GPR149: variants seen among roughly 807,000 people sequenced by gnomAD.
The protein encoded by GPR149 is G protein-coupled receptor 149, also known as probable G protein-coupled receptor 149.
GPR149 carries 50 observed loss-of-function variants against 50.2 expected under a neutral mutation model. The ratio of observed to expected loss-of-function variants is 1.00; its 90% CI spans 0.79 to 1.26. GPR149 has a LOEUF of 1.26. GPR149 is among the 50% of genes most tolerant of loss of function. The probability of loss-of-function intolerance (pLI) is 0.00; values close to 1 mark genes in which losing one functional copy is unlikely to be tolerated. For missense variants in GPR149, 983 were observed against 895.4 expected (o/e 1.10, Z -1.25); for synonymous variants, 405 against 358.2 (o/e 1.13, Z -1.48).
chr3:154,353,526 A>G (rs1163742661), intron 3 of GPR149: 3 of 919,792 alleles, frequency 3.3e-6, no homozygotes, highest in Non-Finnish European at 5.5e-6. Flanking sequence ...ATGATCTTTG[A>G]TATGACCAGG....
chr3:154,352,061 C>A, intron 3 of GPR149: 1 of 451,858 alleles, frequency 2.2e-6, no homozygotes. Context: ...CTATCATGAG[C>A]TAATTTTTGG....
In GPR149 at chr3:154,389,450, T is replaced by C. The variant is rs191566407; in HGVS notation, c.1623+31589A>G. 1.7e-3 allele frequency among the ~76,000 whole-genome samples: 254 copies of C among 152,170 alleles called. 4 individuals are homozygous for C. The South Asian group carries it at 0.022, about 13-fold the overall frequency. ...GAGGAGGGAAGAAAGGACAAGACCA[T>C]ACATTCAGCATTTGAATTTTTTTTG... On this transcript the variant is annotated intron_variant, in intron 3 of 3. Transcript: ENST00000389740.
At chr3:154,355,454 G>A (rs1054837658) in intron 3 of GPR149, among the ~76,000 whole-genome samples, 1 of 152,180 alleles carries the variant, frequency 6.6e-6, no homozygotes, top group Non-Finnish European at 1.5e-5. Context: ...ATTTAAGTGT[G>A]TTGTTTCTCT....
intron 3 of GPR149, among the ~76,000 whole-genome samples, chr3:154,347,251 A>G (rs1486919763): frequency 2.6e-5 from 4 of 152,218 alleles, no homozygotes; most frequent in African/African-American, 4.8e-5. Flanking sequence ...TAGGTAATTT[A>G]TAAAAGAAAG....
chr3:154,379,043 A>T (rs1714860192), intron 3 of GPR149, among the ~76,000 whole-genome samples: 1 of 1,608 alleles, frequency 6.2e-4, no homozygotes. Flanking sequence ...GATCAAGACC[A>T]TCCTGGCTAA....
At chr3:154,413,386 A>G (rs772807831) in intron 3 of GPR149, among the ~76,000 whole-genome samples, 4 of 152,044 alleles carry the variant, frequency 2.6e-5, no homozygotes, top group Non-Finnish European at 4.4e-5. Flanking sequence ...TGGGAAAAAA[A>G]TCTTTATAAT....
At chr3:154,369,568 G>A (rs1050248889) in intron 3 of GPR149, among the ~76,000 whole-genome samples, 2 of 152,112 alleles carry the variant, frequency 1.3e-5, no homozygotes, top group South Asian at 2.1e-4. Flanking sequence ...AAGGCACACC[G>A]GAAAGAGAAC....
At position 154,353,720 on chromosome 3, in the gene GPR149, T is replaced by C. The variant is rs1404962315; in HGVS notation, c.1624-15449A>G. On this transcript the variant is annotated intron_variant, in intron 3 of 3. Coordinates refer to ENST00000389740, the MANE Select transcript of GPR149 (RefSeq NM_001038705.3). ...CCTTTGTTGAGCAGCTTTTTAAAAA[T>C]TGTTTCTTGATTTCTTTGGAGTCTT... 40 of 1,080,824 alleles carry C rather than the reference T, an allele frequency of 3.7e-5. No homozygotes were observed. The South Asian group carries it at 5.2e-4, about 14-fold the overall frequency. The allele number at this position is 1,080,824 out of a possible 1,614,324, so 67.0% of individuals were successfully genotyped here. A position where few individuals can be genotyped will look rare whatever the true frequency, so the allele number is the denominator to read the frequency against.
intron 3 of GPR149, among the ~76,000 whole-genome samples, chr3:154,384,211 C>G (rs1217201853): frequency 6.6e-6 from 1 of 152,080 alleles, no homozygotes. Flanking sequence ...TTACATAAAG[C>G]CTCGGGTGAG....
intron 3 of GPR149, among the ~76,000 whole-genome samples, chr3:154,402,645 A>G (rs1430696038): frequency 1.3e-5 from 2 of 152,164 alleles, no homozygotes; most frequent in African/African-American, 4.8e-5. Flanking sequence ...TTTCTCTACA[A>G]CTAAGTCTTT....
At chr3:154,361,762 T>C (rs769898922) in intron 3 of GPR149, among the ~76,000 whole-genome samples, 1 of 152,210 alleles carries the variant, frequency 6.6e-6, no homozygotes, top group Non-Finnish European at 1.5e-5. Context: ...TATAAAAGTA[T>C]TCGAGGAACA....
chr3:154,389,800 A>G (rs1715123677), intron 3 of GPR149, among the ~76,000 whole-genome samples: 1 of 152,190 alleles, frequency 6.6e-6, no homozygotes, highest in Non-Finnish European at 1.5e-5. Context: ...CTGGGAGCTA[A>G]TGAGACCAGA....
At chr3:154,356,159 T>A (rs1024342586) in intron 3 of GPR149, among the ~76,000 whole-genome samples, 1 of 152,222 alleles carries the variant, frequency 6.6e-6, no homozygotes, top group Non-Finnish European at 1.5e-5. Flanking sequence ...GTAAACTTAC[T>A]AGAAATCATT....
rs565252336 is a variant in GPR149 at position 154,429,388 on chromosome 3, C to T, written c.228G>A (p.Val76=). 1.9e-6 allele frequency: 3 copies of T among 1,614,188 alleles called. No individual in the cohort carries two copies. The highest frequency in any genetic ancestry group is 1.1e-5 in the South Asian group (1 of 91,074). The part of the protein sequence containing the change: ...VVSMLVASWS[V]DDLMSVLSVT... ...CCGACAGGACGCTCATGAGATCATC[C>T]ACAGACCAGGAAGCCACAAGCATGG... The change falls in exon 1 of 4, where the codon GTG becomes GTA. Residue 76 remains valine (V), a synonymous_variant. Transcript: ENST00000389740.
intron 3 of GPR149, among the ~76,000 whole-genome samples, chr3:154,397,786 G>A (rs1715327116): frequency 6.6e-6 from 1 of 152,106 alleles, no homozygotes; most frequent in South Asian, 2.1e-4. Flanking sequence ...AAACTATTGT[G>A]TAATTCAATA....
At chr3:154,363,714 C>A (rs374034028) in intron 3 of GPR149, among the ~76,000 whole-genome samples, 137 of 152,222 alleles carry the variant, frequency 9.0e-4, no homozygotes, top group African/African-American at 3.1e-3. Flanking sequence ...CCCTGTCTTG[C>A]CCAGTCTCTC....
chr3:154,366,604 T>C (rs1455750834), intron 3 of GPR149, among the ~76,000 whole-genome samples: 1 of 152,222 alleles, frequency 6.6e-6, no homozygotes, highest in African/African-American at 2.4e-5. Context: ...ACTCCCCTTA[T>C]GTTAACTCAA....
Position 154,429,192 on chromosome 3 carries a change from T to C in GPR149, c.424A>G (p.Thr142Ala), listed in dbSNP as rs61910754. 3 of 1,614,098 alleles carry C rather than the reference T, an allele frequency of 1.9e-6. No homozygotes were observed. Among genetic ancestry groups the C allele is most frequent in the Admixed American group, 1.7e-5 (1 of 60,026 alleles). ...YTMHRGVGSQ[T>A]ASRRSGQVLG... The stretch of plus-strand genomic sequence containing the variant: ...ACCTGGCCCGATCTTCTGGAGGCTG[T>C]CTGGCTCCCCACACCTCTGTGCATC... Residue 142 changes from threonine to alanine, a missense_variant, in exon 1 of 4, where the codon ACA becomes GCA. Physicochemically the swap from Thr to Ala is moderately conservative, Grantham distance 58. Coordinates refer to ENST00000389740, the MANE Select transcript of GPR149 (RefSeq NM_001038705.3).
At chr3:154,382,762 AGT>A (rs905902370) in intron 3 of GPR149, among the ~76,000 whole-genome samples, 1 of 152,220 alleles carries the variant, frequency 6.6e-6, no homozygotes, top group Non-Finnish European at 1.5e-5. Flanking sequence ...ATCTAAACAA[AGT>A]GTGTCTTCAA....
Sources: gnomAD v4.1 joint callset for allele counts (sites outside exome capture counted in the v4.1 genomes callset) on GRCh38, gnomAD v4.1.1 for gene constraint, MANE v1.5 for transcripts, NCBI Gene and HGNC (gene_info 2026-07-23, HGNC 2026-07-21) for gene names.